SOX5: variants seen among roughly 807,000 people sequenced by gnomAD.
SOX5 encodes transcription factor SOX-5.
Under a neutral mutation model 92.0 loss-of-function variants are expected in SOX5, and 9 were observed. The ratio of observed to expected loss-of-function variants is 0.10; its 90% CI spans 0.06 to 0.17. The LOEUF (loss-of-function observed/expected upper bound fraction) is 0.17. Among genes scored for constraint, SOX5 ranks in the 10% least tolerant of loss-of-function variants. SOX5 has a pLI of 1.00. For synonymous variants in SOX5, 344 were observed against 336.3 expected (o/e 1.02, Z -0.25); for missense variants, 642 against 944.5 (o/e 0.68, Z 4.20).
intron 3 of SOX5, among the ~76,000 whole-genome samples, chr12:24,215,992 A>G (rs188148669): frequency 6.6e-6 from 1 of 152,326 alleles, no homozygotes; most frequent in Non-Finnish European, 1.5e-5. Flanking sequence ...TGCCCAGACA[A>G]GTCAATGGAA....
intron 4 of SOX5, among the ~76,000 whole-genome samples, chr12:24,125,188 G>T (rs1339688633): frequency 6.6e-6 from 1 of 152,102 alleles, no homozygotes; most frequent in East Asian, 1.9e-4. Context: ...TTCCCTAAAG[G>T]AGGAATCTCA....
At chr12:23,928,464 A>G (rs1940579181) in intron 1 of SOX5, among the ~76,000 whole-genome samples, 1 of 152,074 alleles carries the variant, frequency 6.6e-6, no homozygotes, top group Admixed American at 6.6e-5. Flanking sequence ...TGCCTTTAGT[A>G]TCATTAGACG....
At chr12:24,019,912 G>A (rs1363707882) in intron 4 of SOX5, among the ~76,000 whole-genome samples, 2 of 152,098 alleles carry the variant, frequency 1.3e-5, no homozygotes, top group Non-Finnish European at 2.9e-5. Flanking sequence ...TTTACCAAAG[G>A]GAAAAAAGTT....
At chr12:23,881,720 T>C (rs1340466865) in intron 2 of SOX5, among the ~76,000 whole-genome samples, 1 of 152,204 alleles carries the variant, frequency 6.6e-6, no homozygotes, top group Non-Finnish European at 1.5e-5. Flanking sequence ...GGCATAAATC[T>C]AGTAATAAAA....
intron 3 of SOX5, among the ~76,000 whole-genome samples, chr12:24,222,754 T>C (rs905560520): frequency 3.3e-5 from 5 of 152,220 alleles, no homozygotes; most frequent in Admixed American, 1.3e-4. Context: ...ATATTAGCTC[T>C]TCCAAGCAAT....
At chr12:24,317,200 A>G (rs1437979089) in intron 2 of SOX5, among the ~76,000 whole-genome samples, 1 of 152,222 alleles carries the variant, frequency 6.6e-6, no homozygotes, top group African/African-American at 2.4e-5. Flanking sequence ...TTATTTTAAG[A>G]AAGCAATTTT....
chr12:24,088,159 T>A lies in SOX5; in HGVS notation c.-2+125184A>T, dbSNP rs577355923. ...CATCTTTAAAAAAAAATCAAGGATATGTCAACACAGGGTTACTGAATCAAA... is the reference window on the plus strand; with the variant it reads ...CATCTTTAAAAAAAAATCAAGGATAAGTCAACACAGGGTTACTGAATCAAA... On this transcript the variant is annotated intron_variant, in intron 4 of 4. Coordinates refer to the SOX5 transcript ENST00000446891. Among the ~76,000 whole-genome samples, 8 of 152,224 alleles carry A rather than the reference T, an allele frequency of 5.3e-5. No homozygotes were observed. In the East Asian group the frequency reaches 1.4e-3, roughly 26 times the overall value.
At chr12:23,586,828 TAA>T (rs1295421995) in intron 9 of SOX5, among the ~76,000 whole-genome samples, 1 of 151,668 alleles carries the variant, frequency 6.6e-6, no homozygotes, top group Non-Finnish European at 1.5e-5. Flanking sequence ...ATGATTGACT[TAA>T]AGTGTTTTTT....
chr12:23,906,941 C>CA (rs34474115), intron 1 of SOX5, among the ~76,000 whole-genome samples: 30,777 of 139,318 alleles, frequency 0.22, 4,286 homozygotes, highest in East Asian at 0.72. Flanking sequence ...AATAGACAGC[C>CA]AAAAAAAAAA....
chr12:23,727,318 T>C (rs2093186422), intron 6 of SOX5, among the ~76,000 whole-genome samples: 1 of 152,092 alleles, frequency 6.6e-6, no homozygotes, highest in Non-Finnish European at 1.5e-5. Context: ...AAATCCTATA[T>C]AAATATAACC....
At chr12:24,491,088 G>A (rs1223254538) in intron 1 of SOX5, among the ~76,000 whole-genome samples, 1 of 151,752 alleles carries the variant, frequency 6.6e-6, no homozygotes, top group Admixed American at 6.6e-5. Flanking sequence ...CTTTCTTTCT[G>A]TCTTCATGCC....
chr12:24,323,524 TATAAC>T (rs1950402528), intron 2 of SOX5, among the ~76,000 whole-genome samples: 1 of 152,020 alleles, frequency 6.6e-6, no homozygotes, highest in Non-Finnish European at 1.5e-5. Flanking sequence ...TTAATCTCTT[TATAAC>T]ATGTTTTAAA....
intron 3 of SOX5, among the ~76,000 whole-genome samples, chr12:24,275,656 T>C (rs1175562197): frequency 6.6e-6 from 1 of 152,110 alleles, no homozygotes; most frequent in Non-Finnish European, 1.5e-5. Flanking sequence ...TTAAAAGAAA[T>C]ATAAAATTTT....
intron 1 of SOX5, among the ~76,000 whole-genome samples, chr12:24,530,019 C>CAAAAAA (rs34105691): frequency 4.1e-5 from 3 of 72,986 alleles, no homozygotes; most frequent in Non-Finnish European, 5.2e-5. Context: ...GACTCCGTCT[C>CAAAAAA]AAAAAAAAAA....
Position 24,246,689 on chromosome 12 carries a change from G to C in SOX5, c.-77+30527C>G, listed in dbSNP as rs188892809. 1.2e-4 allele frequency among the ~76,000 whole-genome samples: 19 copies of C among 152,164 alleles called. No individual in the cohort carries two copies. The East Asian group carries it at 3.1e-3, about 25-fold the overall frequency. On this transcript the variant is annotated intron_variant, in intron 3 of 4. Coordinates refer to the SOX5 transcript ENST00000446891. Reference sequence around the variant, plus strand: ...ATGTTTCCCACAAATTGAGAAAAAAGAATCATCACATTCTTTTTGGGCCAT... The same window carrying C: ...ATGTTTCCCACAAATTGAGAAAAAACAATCATCACATTCTTTTTGGGCCAT...
At chr12:24,319,150 C>T (rs1949978589) in intron 2 of SOX5, among the ~76,000 whole-genome samples, 1 of 152,120 alleles carries the variant, frequency 6.6e-6, no homozygotes, top group South Asian at 2.1e-4. Context: ...TCTTCCATTC[C>T]TTTCACCCCT....
intron 2 of SOX5, among the ~76,000 whole-genome samples, chr12:23,881,483 A>G (rs1374623376): frequency 6.6e-6 from 1 of 152,186 alleles, no homozygotes; most frequent in Non-Finnish European, 1.5e-5. Flanking sequence ...AACACTGTCA[A>G]GTCCCCCAAT....
At chr12:24,509,692 C>T (rs866187333) in intron 1 of SOX5, among the ~76,000 whole-genome samples, 36 of 152,210 alleles carry the variant, frequency 2.4e-4, no homozygotes, top group African/African-American at 8.7e-4. Flanking sequence ...GCCCCGGCCT[C>T]TCATTAGCAA....
chr12:24,016,045 G>C (rs182853292), intron 4 of SOX5, among the ~76,000 whole-genome samples: 1 of 152,132 alleles, frequency 6.6e-6, no homozygotes. Flanking sequence ...AAAGGCCAAG[G>C]CCAACCAGTC....
Sources: allele counts gnomAD v4.1 joint callset (sites outside exome capture counted in the v4.1 genomes callset), GRCh38; gene constraint gnomAD v4.1.1; transcripts MANE v1.5; gene names NCBI Gene and HGNC (gene_info 2026-07-23, HGNC 2026-07-21).